Variants in PPFIA4 observed in about 807,000 individuals in gnomAD.
PPFIA4 encodes PPFI scaffold protein A4.
Under a neutral mutation model 145.7 loss-of-function variants are expected in PPFIA4, and 98 were observed. That is an observed-to-expected ratio of 0.67 (90% CI 0.57 to 0.80). The LOEUF (loss-of-function observed/expected upper bound fraction) is 0.80, where lower values mean the gene tolerates loss of function less well. Among genes scored for constraint, PPFIA4 ranks in the 30% least tolerant of loss-of-function variants. PPFIA4 has a pLI of 0.00. For missense variants in PPFIA4, 1,457 were observed against 1,632.7 expected, an observed-to-expected ratio of 0.89 and a Z score of 1.85; for synonymous variants, 628 against 649.6, an observed-to-expected ratio of 0.97 and a Z score of 0.51.
chr1:203,072,828 A>G (rs745968276), intron 28 of PPFIA4, among the ~76,000 whole-genome samples: 4 of 152,194 alleles, frequency 2.6e-5, no homozygotes, highest in Non-Finnish European at 5.9e-5. Flanking sequence ...AGAAAAGAAT[A>G]GACTTATATA....
chr1:203,053,709 C>T, intron 14 of PPFIA4, 44 bp from the exon 15 acceptor site: 2 of 1,507,930 alleles, frequency 1.3e-6, no homozygotes, highest in Non-Finnish European at 1.8e-6. Flanking sequence ...CTGCAGTTAT[C>T]TGGGTGTCTT....
intron 27 of PPFIA4, among the ~76,000 whole-genome samples, chr1:203,071,010 G>A (rs1662117293): frequency 6.6e-6 from 1 of 151,176 alleles, no homozygotes; most frequent in Non-Finnish European, 1.5e-5. Context: ...CTGGAGTGCA[G>A]GTGTGATCAT....
At chr1:203,061,394 G>T in intron 23 of PPFIA4, 1 of 519,128 alleles carries the variant, frequency 1.9e-6, no homozygotes, top group Non-Finnish European at 3.4e-6. Context: ...TGTTGGGAGA[G>T]CTGGGCATCT....
chr1:203,052,491 A>G (rs1660605079), intron 14 of PPFIA4, among the ~76,000 whole-genome samples: 2 of 152,116 alleles, frequency 1.3e-5, no homozygotes, highest in Non-Finnish European at 2.9e-5. Flanking sequence ...GTATTAGAAG[A>G]TATAGATGGA....
At position 203,039,018 on chromosome 1, in the gene PPFIA4, G is replaced by A. The variant is rs372361307; in HGVS notation, c.10G>A (p.Val4Met). 1.3e-6 allele frequency: 2 copies of A among 1,540,572 alleles called. No homozygotes were observed. Among genetic ancestry groups the A allele is most frequent in the South Asian group, 1.2e-5 (1 of 81,926 alleles). The stretch of plus-strand genomic sequence containing the variant: ...CCTGCCAACCCCCACCATGTGTGAG[G>A]TGATGCCCACAATCAATGAGGGGGA... MCE[V>M]MPTINEGDRL... Residue 4 changes from valine (V) to methionine (M), a missense_variant, in exon 2 of 30, where the codon GTG becomes ATG. Coordinates refer to ENST00000295706, the MANE Select transcript of PPFIA4 (RefSeq NM_001304331.2).
chr1:203,063,455 C>G (rs756454831), intron 24 of PPFIA4: 26 of 214,050 alleles, frequency 1.2e-4, no homozygotes, highest in Non-Finnish European at 2.1e-4. Context: ...CTCCCCTGGG[C>G]TCAGCGGGCT....
Position 203,055,739 on chromosome 1 carries a change from G to A in PPFIA4, c.2070+67G>A. 1.9e-6 allele frequency: 3 copies of A among 1,597,216 alleles called. No homozygotes were observed. Among genetic ancestry groups the A allele is most frequent in the Non-Finnish European group, 1.7e-6 (2 of 1,169,414 alleles). ...TGCACCGGGGGAGGTTTTAAGGGAT[G>A]GTAGGACTCACGTGCTCTCAGCTGG... On this transcript the variant is annotated intron_variant, in intron 16 of 29. Transcript: ENST00000295706. The surrounding 1 kb of genome is among the most constrained non-coding windows in gnomAD (Gnocchi z 4.8).
In PPFIA4 at chr1:203,048,662, A is replaced by G. The variant is rs1219344601; in HGVS notation, c.1304A>G (p.Asn435Ser). 1.2e-6 allele frequency: 2 copies of G among 1,608,672 alleles called. No individual in the cohort carries two copies. Among genetic ancestry groups the G allele is most frequent in the South Asian group, 2.2e-5 (2 of 90,248 alleles). Residue 435 changes from asparagine to serine, a missense_variant, in exon 11 of 30, where the codon AAC becomes AGC. Asn to Ser is a conservative substitution (Grantham distance 46). Coordinates refer to ENST00000295706, the MANE Select transcript of PPFIA4 (RefSeq NM_001304331.2). This position sits in a 1 kb window ranked among gnomAD's most constrained non-coding sequence, Gnocchi z 5.8. ...GTGGACCGGCTGCTCAGCGAGTCCAACGAGCGTCTGCAGCTCCACCTGAAG... is the reference window on the plus strand; with the variant it reads ...GTGGACCGGCTGCTCAGCGAGTCCAGCGAGCGTCTGCAGCTCCACCTGAAG... ...DTVDRLLSES[N>S]ERLQLHLKER... is the part of the protein sequence containing the mutation.
chr1:203,034,475 T>C (rs911378457), intron 1 of PPFIA4: 32 of 456,142 alleles, frequency 7.0e-5, no homozygotes, highest in Middle Eastern at 6.8e-4. Context: ...CAGGCCCACG[T>C]TGGGGAGAAT....
Position 203,071,717 on chromosome 1 carries a change from T to G in PPFIA4, c.3350T>G (p.Phe1117Cys), listed in dbSNP as rs750984859. Residue 1117 changes from phenylalanine to cysteine, a missense_variant, in exon 28 of 30, where the codon TTC becomes TGC. Phe to Cys is a radical substitution (Grantham distance 205). Coordinates refer to ENST00000295706, the MANE Select transcript of PPFIA4 (RefSeq NM_001304331.2). ...TQARQVMERE[F>C]NNLLALGTDR... is the part of the protein sequence containing the mutation. ...GCACGCCAAGTGATGGAAAGAGAGT[T>G]CAATAACCTGTTGGCCTTGGGCACA... The G allele has an allele frequency of 6.8e-6, 11 of 1,612,986 alleles. No individual in the cohort carries two copies. Among genetic ancestry groups the G allele is most frequent in the Non-Finnish European group, 7.6e-6 (9 of 1,179,476 alleles).
chr1:203,055,670 C>T lies in PPFIA4; in HGVS notation c.2068C>T (p.Leu690=). 1.2e-6 allele frequency: 2 copies of T among 1,613,722 alleles called. No individual in the cohort carries two copies. Among genetic ancestry groups the T allele is most frequent in the Non-Finnish European group, 1.7e-6 (2 of 1,179,706 alleles). The change falls in exon 16 of 30, where the codon CTG becomes TTG. Residue 690 remains leucine (L), a splice_region_variant and synonymous_variant. Transcript: ENST00000295706. This position sits in a 1 kb window ranked among gnomAD's most constrained non-coding sequence, Gnocchi z 4.8. ...QDLDRMGVMT[L]PSDLRKHRRK... ...CCTGGACCGAATGGGGGTCATGACC[C>T]TGGTGAGAGGCAGCTGAGGAGCAGG...
chr1:203,041,178 C>T (rs1659671541), intron 2 of PPFIA4, among the ~76,000 whole-genome samples: 1 of 152,122 alleles, frequency 6.6e-6, no homozygotes, highest in South Asian at 2.1e-4. Context: ...GTCCACTGAG[C>T]CAAGATGTGA....
intron 28 of PPFIA4, among the ~76,000 whole-genome samples, chr1:203,073,295 T>C (rs1423374485): frequency 2.0e-5 from 3 of 152,210 alleles, no homozygotes; most frequent in Admixed American, 2.0e-4. Context: ...TTCTGAGCTC[T>C]TCCCCCTTGT....
Position 203,043,031 on chromosome 1 carries a change from A to T in PPFIA4, c.235-366A>T, listed in dbSNP as rs1659812229. 6.6e-6 allele frequency among the ~76,000 whole-genome samples: 1 copy of T among 152,212 alleles called. No homozygotes were observed. Among genetic ancestry groups the T allele is most frequent in the African/African-American group, 2.4e-5 (1 of 41,446 alleles). ...TCCCCTCCATCAGTTTCTAAAGGAA[A>T]ATGTCATTGAATTCCTGGAGAAATG... On this transcript the variant is annotated intron_variant, in intron 2 of 29. Transcript: ENST00000295706. The surrounding 1 kb of genome is among the most constrained non-coding windows in gnomAD (Gnocchi z 4.4).
rs1340644214 is a variant in PPFIA4, at chr1:203,055,031, C to T, written c.1830-401C>T. The stretch of plus-strand genomic sequence containing the variant: ...TCATTTTTCTGTGGAACAGGGAAAA[C>T]CCCACCAGGGGTCAGCATCATTTAA... On this transcript the variant is annotated intron_variant, in intron 15 of 29. Coordinates refer to ENST00000295706, the MANE Select transcript of PPFIA4 (RefSeq NM_001304331.2). This position sits in a 1 kb window ranked among gnomAD's most constrained non-coding sequence, Gnocchi z 4.8. 6.6e-6 allele frequency among the ~76,000 whole-genome samples: 1 copy of T among 152,136 alleles called. No homozygotes were observed.
intron 19 of PPFIA4, among the ~76,000 whole-genome samples, chr1:203,058,058 T>G (rs1661096365): frequency 6.6e-6 from 1 of 151,998 alleles, no homozygotes; most frequent in Non-Finnish European, 1.5e-5. Flanking sequence ...GTTTAAGAGT[T>G]CCCCTGAGGC....
chr1:203,064,744 C>T (rs1013909755), intron 25 of PPFIA4, among the ~76,000 whole-genome samples: 2 of 152,216 alleles, frequency 1.3e-5, no homozygotes, highest in African/African-American at 4.8e-5. Flanking sequence ...TGGAAGCAAC[C>T]AGCTGGAGCT....
intron 13 of PPFIA4, 53 bp from the exon 14 acceptor site, chr1:203,051,716 T>C: frequency 6.4e-7 from 1 of 1,560,816 alleles, no homozygotes; most frequent in Non-Finnish European, 8.7e-7. Flanking sequence ...GGGTGTGAGC[T>C]GGGGGTCTCA....
chr1:203,063,945 G>A lies in PPFIA4; in HGVS notation c.2992G>A (p.Asp998Asn), dbSNP rs377580706. ...MECLVDARML[D>N]HLTKKDLRVH... ...GTGCCTGGTGGACGCCCGCATGCTG[G>A]ACCACCTCACCAAGAAGGACCTGCG... is the stretch of plus-strand genomic sequence containing the variant. The change falls in exon 25 of 30, where the codon GAC becomes AAC. Residue 998 changes from aspartate to asparagine, a missense_variant. Coordinates refer to ENST00000295706, the MANE Select transcript of PPFIA4 (RefSeq NM_001304331.2). 3 of 1,614,016 alleles carry A rather than the reference G, an allele frequency of 1.9e-6. No individual in the cohort carries two copies. The highest frequency in any genetic ancestry group is 1.7e-5 in the Admixed American group (1 of 60,032).
Sources: gnomAD v4.1 joint callset for allele counts (sites outside exome capture counted in the v4.1 genomes callset) on GRCh38, gnomAD v4.1.1 for gene constraint, Gnocchi (gnomAD v3.1) non-coding constraint, MANE v1.5 for transcripts, NCBI Gene and HGNC (gene_info 2026-07-23, HGNC 2026-07-21) for gene names.